The following ADGRV1 variants were observed in gnomAD, a reference collection of about 807,000 sequenced individuals.
The protein encoded by ADGRV1 is G-protein coupled receptor 98.
A neutral mutation model predicts 596.2 loss-of-function variants in ADGRV1; 359 were observed. That is an observed-to-expected ratio of 0.60 (90% CI 0.55 to 0.66). ADGRV1 has a LOEUF of 0.66. Among genes scored for constraint, ADGRV1 ranks in the 30% least tolerant of loss-of-function variants. The probability of loss-of-function intolerance (pLI) is 0.00; values close to 1 mark genes in which losing one functional copy is unlikely to be tolerated. For synonymous variants in ADGRV1, 2,681 were observed against 2,679.2 expected (o/e 1.00, Z -0.02); for missense variants, 7,274 against 7,575.6 (o/e 0.96, Z 1.48).
At chr5:90,983,376 A>G (rs920781271) in intron 84 of ADGRV1, among the ~76,000 whole-genome samples, 1 of 152,202 alleles carries the variant, frequency 6.6e-6, no homozygotes, top group Non-Finnish European at 1.5e-5. Flanking sequence ...CATTTTGAAA[A>G]TGTCTCAATC....
At chr5:90,713,952 T>A (rs992378671) in intron 42 of ADGRV1, among the ~76,000 whole-genome samples, 5 of 151,806 alleles carry the variant, frequency 3.3e-5, no homozygotes, top group Non-Finnish European at 7.4e-5. Context: ...CCATGCCCCA[T>A]TGATTGACCT....
intron 4 of ADGRV1, among the ~76,000 whole-genome samples, chr5:90,619,870 C>T (rs372964122): frequency 9.3e-5 from 14 of 150,700 alleles, no homozygotes; most frequent in African/African-American, 2.2e-4. Flanking sequence ...TTTGTCCTTG[C>T]GATAGTTTGC....
At chr5:91,094,101 C>T (rs1246067364) in intron 86 of ADGRV1, among the ~76,000 whole-genome samples, 1 of 151,994 alleles carries the variant, frequency 6.6e-6, no homozygotes, top group Admixed American at 6.5e-5. Context: ...ATCTGCCAGC[C>T]TCCACCTCCC....
At chr5:90,740,388 G>A (rs1448472199) in intron 50 of ADGRV1, among the ~76,000 whole-genome samples, 1 of 152,168 alleles carries the variant, frequency 6.6e-6, no homozygotes, top group Non-Finnish European at 1.5e-5. Flanking sequence ...GAGCTTGGTT[G>A]GGTTGCAGCT....
rs12655163 is a variant in ADGRV1, at chr5:90,823,063, T to C, written c.16197-362T>C. Reference sequence around the variant, plus strand: ...ATGGGGTTTTCTAAATATACAATCATGTCATCTGCAAACAGGGACAATTTG... The same window carrying C: ...ATGGGGTTTTCTAAATATACAATCACGTCATCTGCAAACAGGGACAATTTG... On this transcript the variant is annotated intron_variant, in intron 75 of 89. Coordinates refer to ENST00000405460, the MANE Select transcript of ADGRV1 (RefSeq NM_032119.4). Among the ~76,000 whole-genome samples, 4,143 of 152,320 alleles carry C rather than the reference T, an allele frequency of 0.027. 278 individuals carry two copies. The East Asian group carries it at 0.28, about 10-fold the overall frequency.
At chr5:91,041,863 A>G (rs1785391001) in intron 85 of ADGRV1, among the ~76,000 whole-genome samples, 1 of 152,154 alleles carries the variant, frequency 6.6e-6, no homozygotes, top group Non-Finnish European at 1.5e-5. Flanking sequence ...TGCTTTAAGA[A>G]CAAACTCAAC....
intron 83 of ADGRV1, among the ~76,000 whole-genome samples, chr5:90,940,321 T>C (rs561239793): frequency 6.6e-6 from 1 of 152,322 alleles, no homozygotes; most frequent in African/African-American, 2.4e-5. Context: ...ATTATCTGTG[T>C]TACTATCTAG....
chr5:90,668,698 AC>A (rs1422521728), intron 21 of ADGRV1, among the ~76,000 whole-genome samples: 1 of 152,100 alleles, frequency 6.6e-6, no homozygotes, highest in African/African-American at 2.4e-5. Flanking sequence ...TAAAAAATTT[AC>A]TTTATTGTAC....
At chr5:90,789,134 T>A (rs1286893901) in intron 68 of ADGRV1, among the ~76,000 whole-genome samples, 1 of 152,206 alleles carries the variant, frequency 6.6e-6, no homozygotes, top group African/African-American at 2.4e-5. Flanking sequence ...GTTTTTGCTC[T>A]TAAGGCCTTC....
chr5:90,884,276 A>C (rs1271990061), intron 83 of ADGRV1, among the ~76,000 whole-genome samples: 2 of 152,170 alleles, frequency 1.3e-5, no homozygotes, highest in Non-Finnish European at 2.9e-5. Flanking sequence ...GTCTCTAGAC[A>C]TTACCAAACG....
chr5:91,064,832 T>A (rs755275099), intron 85 of ADGRV1, among the ~76,000 whole-genome samples: 6 of 152,336 alleles, frequency 3.9e-5, no homozygotes, highest in Admixed American at 6.5e-5. Context: ...GTGCTTAAAG[T>A]GTTTCTCTAA....
At chr5:90,829,595 C>T (rs904686411) in intron 77 of ADGRV1, among the ~76,000 whole-genome samples, 1 of 152,138 alleles carries the variant, frequency 6.6e-6, no homozygotes, top group Non-Finnish European at 1.5e-5. Context: ...CTGATCTTTA[C>T]ACTTCTTCAA....
intron 83 of ADGRV1, among the ~76,000 whole-genome samples, chr5:90,905,178 C>A (rs1772200835): frequency 6.6e-6 from 1 of 151,990 alleles, no homozygotes; most frequent in Admixed American, 6.6e-5. Flanking sequence ...TGTAATTCCC[C>A]TAGTTTTGTT....
At position 90,635,111 on chromosome 5, in the gene ADGRV1, T is replaced by A; in HGVS notation, c.1840-3T>A. ...CTACTTTTTGTGTATTTGTTTATTA[T>A]AGTTGGAAACTGTGGAGTTGTTAAA... On this transcript the variant is annotated splice_polypyrimidine_tract_variant and splice_region_variant and intron_variant, in intron 9 of 89. Transcript: ENST00000405460. 6.4e-7 allele frequency: 1 copy of A among 1,565,192 alleles called. No homozygotes were observed.
chr5:90,795,417 G>A (rs1022898207), intron 70 of ADGRV1, among the ~76,000 whole-genome samples: 6 of 152,182 alleles, frequency 3.9e-5, no homozygotes, highest in South Asian at 2.1e-4. Context: ...CCACCACAGC[G>A]CAGCAAGGCT....
chr5:90,649,459 T>C (rs1768281517), intron 17 of ADGRV1, among the ~76,000 whole-genome samples: 1 of 152,114 alleles, frequency 6.6e-6, no homozygotes, highest in Admixed American at 6.5e-5. Flanking sequence ...CAAAACATCC[T>C]GAACCTTTTG....
intron 86 of ADGRV1, among the ~76,000 whole-genome samples, chr5:91,081,526 G>T (rs147648669): frequency 6.6e-6 from 1 of 152,180 alleles, no homozygotes; most frequent in Non-Finnish European, 1.5e-5. Context: ...ACTCACGCCC[G>T]TAATCCCAGC....
intron 85 of ADGRV1, among the ~76,000 whole-genome samples, chr5:90,990,426 G>A (rs1477686667): frequency 2.0e-5 from 3 of 152,194 alleles, no homozygotes; most frequent in Non-Finnish European, 4.4e-5. Context: ...GGGTTGGTAA[G>A]TTTATCCCTT....
rs750412622 is a variant in ADGRV1 at position 90,810,612 on chromosome 5, A to G, written c.15352A>G (p.Ser5118Gly). Residue 5118 changes from serine (S) to glycine (G), a missense_variant, in exon 74 of 90, where the codon AGT (serine) becomes GGT (glycine). Physicochemically the swap from Ser to Gly is moderately conservative, Grantham distance 56. Around this residue, in one of 5 missense-constraint regions of ADGRV1, gnomAD observed 1,874 missense variants for 1,970.2 expected, o/e 0.95. Transcript: ENST00000405460. ...NWSPRLNLDF[S>G]VAVITILDND... Reference sequence around the variant, plus strand: ...GAGCCCACGCCTGAATCTAGATTTCAGTGTTGCAGTGATTACAATATTGGA... The same window carrying G: ...GAGCCCACGCCTGAATCTAGATTTCGGTGTTGCAGTGATTACAATATTGGA... 8.1e-6 allele frequency: 13 copies of G among 1,613,868 alleles called. No individual in the cohort carries two copies. Among genetic ancestry groups the G allele is most frequent in the African/African-American group, 1.3e-5 (1 of 74,926 alleles).
Sources: allele counts gnomAD v4.1 joint callset (sites outside exome capture counted in the v4.1 genomes callset), GRCh38; gene constraint gnomAD v4.1.1; regional missense constraint gnomAD v4.1.1; transcripts MANE v1.5; gene names NCBI Gene and HGNC (gene_info 2026-07-23, HGNC 2026-07-21).